Variants in SLAIN1 observed in about 807,000 individuals in gnomAD.
The protein encoded by SLAIN1 is SLAIN family member 1.
Under a neutral mutation model 55.4 loss-of-function variants are expected in SLAIN1, and 17 were observed. That is an observed-to-expected ratio of 0.31 (90% confidence interval 0.21 to 0.46). The LOEUF is 0.46. SLAIN1 is among the 20% of genes least tolerant of loss of function. The pLI is 1.00. For missense variants in SLAIN1, 682 were observed against 785.1 expected, an observed-to-expected ratio of 0.87 and a Z score of 1.57; for synonymous variants, 348 against 337.4, an observed-to-expected ratio of 1.03 and a Z score of -0.35.
At chr13:77,753,040 G>A (rs969698606) in intron 4 of SLAIN1, among the ~76,000 whole-genome samples, 163 bp from the exon 5 acceptor site, 7 of 152,100 alleles carry the variant, frequency 4.6e-5, no homozygotes, top group African/African-American at 1.2e-4. Flanking sequence ...TTCTGGTTGG[G>A]AAGGGTGTTT....
Position 77,698,607 on chromosome 13 carries a change from G to A in SLAIN1, c.626+68G>A, listed in dbSNP as rs887400417. The A allele has an allele frequency of 2.5e-4, 338 of 1,337,246 alleles. No individual in the cohort carries two copies. Among genetic ancestry groups the A allele is most frequent in the East Asian group, 1.1e-3 (36 of 34,246 alleles). 82.8% of individuals were successfully genotyped at this position (1,337,246 alleles called of 1,614,324 possible). On this transcript the variant is annotated intron_variant, in intron 1 of 6. Transcript: ENST00000418532. The surrounding 1 kb of genome is among the most constrained non-coding windows in gnomAD (Gnocchi z 4.1). Reference sequence around the variant, plus strand: ...GGGCTTCGGGCACCGGGGAGCGGGGGCGGGGGGCGGACGGGGGTCCCCTCG... The same window carrying A: ...GGGCTTCGGGCACCGGGGAGCGGGGACGGGGGGCGGACGGGGGTCCCCTCG...
intron 1 of SLAIN1, among the ~76,000 whole-genome samples, chr13:77,705,369 A>T (rs918678402): frequency 6.6e-6 from 1 of 151,994 alleles, no homozygotes; most frequent in Non-Finnish European, 1.5e-5. Flanking sequence ...TTAGAGTGAC[A>T]TTCCAAATAG....
In SLAIN1 at chr13:77,698,294, C is replaced by T; in HGVS notation, c.381C>T (p.Cys127=). Residue 127 remains cysteine, a synonymous_variant, in exon 1 of 7, where the codon TGC becomes TGT. Coordinates refer to ENST00000418532, the MANE Select transcript of SLAIN1 (RefSeq NM_001242868.2). This position sits in a 1 kb window ranked among gnomAD's most constrained non-coding sequence, Gnocchi z 4.1. ...GSSPAFPGTF[C]LPSPAPSLLC... The stretch of plus-strand genomic sequence containing the variant: ...GCCCCGCGTTCCCGGGCACCTTCTG[C>T]CTGCCTAGCCCCGCGCCCTCCCTGC... The T allele has an allele frequency of 7.0e-7, 1 of 1,433,540 alleles. No individual in the cohort carries two copies. The highest frequency in any genetic ancestry group is 1.4e-5 in the South Asian group (1 of 73,892). 88.8% of individuals were successfully genotyped at this position (1,433,540 alleles called of 1,614,324 possible). A position where few individuals can be genotyped will look rare whatever the true frequency, so the allele number is the denominator to read the frequency against.
At chr13:77,753,109 T>C in intron 4 of SLAIN1, 94 bp from the exon 5 acceptor site, 1 of 1,134,736 alleles carries the variant, frequency 8.8e-7, no homozygotes. Context: ...TATTTATTAT[T>C]GAGCACAATA....
At chr13:77,733,747 T>C (rs1008926579) in intron 2 of SLAIN1, among the ~76,000 whole-genome samples, 2 of 152,170 alleles carry the variant, frequency 1.3e-5, no homozygotes, top group African/African-American at 4.8e-5. Flanking sequence ...GAAGGAGTAC[T>C]GTGAACATCT....
At chr13:77,708,121 G>T (rs2091108866) in intron 1 of SLAIN1, among the ~76,000 whole-genome samples, 1 of 152,198 alleles carries the variant, frequency 6.6e-6, no homozygotes, top group African/African-American at 2.4e-5. Context: ...GGCATAGTGG[G>T]TCACTTAGAA....
intron 2 of SLAIN1, among the ~76,000 whole-genome samples, chr13:77,734,881 G>T (rs1873043735): frequency 6.6e-6 from 1 of 152,000 alleles, no homozygotes; most frequent in South Asian, 2.1e-4. Flanking sequence ...ACAGCCAGGT[G>T]TAGTGGCACA....
At position 77,764,218 on chromosome 13, in the gene SLAIN1, CTA is replaced by C. The variant is rs1875289298; in HGVS notation, c.*1000_*1001del. 6.6e-6 allele frequency: 1 copy of C among 152,564 alleles called. No homozygotes were observed. Among genetic ancestry groups the C allele is most frequent in the Non-Finnish European group, 1.5e-5 (1 of 68,004 alleles). 9.5% of individuals were successfully genotyped at this position (152,564 alleles called of 1,614,324 possible). On this transcript the variant is annotated 3_prime_UTR_variant, in exon 7 of 7. Coordinates refer to ENST00000418532, the MANE Select transcript of SLAIN1 (RefSeq NM_001242868.2). ...TTTGGAATGTTCAGAAATAAAGACT[CTA>C]TTTCAGCAATATCAGGTCATGCATG... is the stretch of plus-strand genomic sequence containing the variant.
intron 1 of SLAIN1, among the ~76,000 whole-genome samples, chr13:77,701,276 A>G (rs2091028118): frequency 6.6e-6 from 1 of 152,204 alleles, no homozygotes; most frequent in East Asian, 1.9e-4. Context: ...TTACAAATGT[A>G]GATTAATCAC....
chr13:77,718,611 A>G (rs1171453807), intron 1 of SLAIN1, among the ~76,000 whole-genome samples: 1 of 152,212 alleles, frequency 6.6e-6, no homozygotes, highest in Non-Finnish European at 1.5e-5. Flanking sequence ...TTTCAAGAAT[A>G]TGTGCTTATT....
At chr13:77,741,508 A>G (rs947015137) in intron 2 of SLAIN1, 24 of 850,210 alleles carry the variant, frequency 2.8e-5, no homozygotes, top group South Asian at 5.4e-5. Flanking sequence ...TCACAGTTTC[A>G]TGAAATGTGT....
chr13:77,725,279 C>T (rs1265394568), intron 2 of SLAIN1, among the ~76,000 whole-genome samples: 2 of 152,194 alleles, frequency 1.3e-5, no homozygotes, highest in African/African-American at 4.8e-5. Context: ...ACTTATCTTA[C>T]ACACTTTGTT....
At chr13:77,717,461 G>A (rs1489350796) in intron 1 of SLAIN1, among the ~76,000 whole-genome samples, 1 of 152,056 alleles carries the variant, frequency 6.6e-6, no homozygotes, top group African/African-American at 2.4e-5. Flanking sequence ...TTTGTGGGTA[G>A]TTTTTTATTT....
chr13:77,736,726 A>G (rs1299296044), intron 2 of SLAIN1, among the ~76,000 whole-genome samples: 2 of 150,506 alleles, frequency 1.3e-5, no homozygotes, highest in East Asian at 1.9e-4. Flanking sequence ...CTTATCCTAC[A>G]TGCCCTCCCT....
At chr13:77,725,282 A>G (rs926000801) in intron 2 of SLAIN1, among the ~76,000 whole-genome samples, 3 of 152,166 alleles carry the variant, frequency 2.0e-5, no homozygotes, top group African/African-American at 7.2e-5. Context: ...TATCTTACAC[A>G]CTTTGTTGCA....
At chr13:77,733,664 C>T (rs1872979738) in intron 2 of SLAIN1, among the ~76,000 whole-genome samples, 1 of 152,084 alleles carries the variant, frequency 6.6e-6, no homozygotes, top group Admixed American at 6.6e-5. Context: ...TTTAGTAGTT[C>T]TTCAACCCTT....
rs1875244001 is a variant in SLAIN1 at position 77,763,776 on chromosome 13, T to G, written c.*556T>G. On this transcript the variant is annotated 3_prime_UTR_variant, in exon 7 of 7. Transcript: ENST00000418532. ...AAATATTTTTGTGGTAAGGTACTAT[T>G]TTTTTAGCTCTAGGGATATATCAGC... 1 of 153,030 alleles carries G rather than the reference T, an allele frequency of 6.5e-6. No homozygotes were observed. The highest frequency in any genetic ancestry group is 3.4e-3 in the Middle Eastern group (1 of 294). The allele number at this position is 153,030 out of a possible 1,614,324, so 9.5% of individuals were successfully genotyped here. A position where few individuals can be genotyped will look rare whatever the true frequency, so the allele number is the denominator to read the frequency against.
intron 5 of SLAIN1, among the ~76,000 whole-genome samples, chr13:77,754,944 A>G (rs188211471): frequency 3.4e-4 from 52 of 152,336 alleles, no homozygotes; most frequent in African/African-American, 1.2e-3. Flanking sequence ...ATTTAGAACC[A>G]ATGACTTGTA....
At chr13:77,717,608 G>A (rs752140447) in intron 1 of SLAIN1, among the ~76,000 whole-genome samples, 12 of 152,068 alleles carry the variant, frequency 7.9e-5, no homozygotes, top group South Asian at 2.1e-4. Context: ...AAACTTGTCC[G>A]CAAGCTTATC....
Sources: allele counts gnomAD v4.1 joint callset (sites outside exome capture counted in the v4.1 genomes callset), GRCh38; gene constraint gnomAD v4.1.1; non-coding constraint Gnocchi (gnomAD v3.1); transcripts MANE v1.5; gene names NCBI Gene and HGNC (gene_info 2026-07-23, HGNC 2026-07-21).